Variants in EYS observed in about 807,000 individuals in gnomAD.
EYS encodes the protein EGF-like photoreceptor maintenance factor.
In EYS, 250 loss-of-function variants were observed where a neutral mutation model predicts 282.1. That is an observed-to-expected ratio of 0.89 (90% confidence interval 0.80 to 0.98). The LOEUF is 0.98. Among genes scored for constraint, EYS ranks in the 50% least tolerant of loss-of-function variants. The pLI is 0.00. For synonymous variants in EYS, 1,355 were observed against 1,282.9 expected, an observed-to-expected ratio of 1.06 and a Z score of -1.20; for missense variants, 4,016 against 3,709.0, an observed-to-expected ratio of 1.08 and a Z score of -2.15.
At chr6:63,765,593 T>C (rs1016542181) in intron 40 of EYS, among the ~76,000 whole-genome samples, 1 of 151,964 alleles carries the variant, frequency 6.6e-6, no homozygotes, top group African/African-American at 2.4e-5. Context: ...GATGATCACA[T>C]CATGGAAAAT....
intron 31 of EYS, among the ~76,000 whole-genome samples, chr6:64,146,950 A>G (rs77782530): frequency 0.014 from 2,155 of 152,288 alleles, 26 homozygotes; most frequent in Non-Finnish European, 0.025. Context: ...AGGCTAGGTC[A>G]GTTGCCTGAG....
intron 35 of EYS, among the ~76,000 whole-genome samples, chr6:63,971,606 G>A (rs550723320): frequency 9.1e-4 from 139 of 152,178 alleles, no homozygotes; most frequent in African/African-American, 3.3e-3. Context: ...GAACATTTTT[G>A]AGGCTTTAAT....
intron 14 of EYS, among the ~76,000 whole-genome samples, chr6:64,966,357 T>A (rs1051997500): frequency 6.6e-6 from 1 of 152,170 alleles, no homozygotes; most frequent in African/African-American, 2.4e-5. Flanking sequence ...ACTTGTTAAA[T>A]GTTTAAGCTT....
chr6:65,331,836 A>G, intron 11 of EYS: 1 of 499,982 alleles, frequency 2.0e-6, no homozygotes, highest in Non-Finnish European at 2.6e-6. Context: ...TCAGTAATTC[A>G]TCTTTGTCTA....
chr6:64,628,288 T>C (rs988638053), intron 22 of EYS, among the ~76,000 whole-genome samples: 2 of 151,774 alleles, frequency 1.3e-5, no homozygotes, highest in Non-Finnish European at 2.9e-5. Flanking sequence ...AGTGGTTTAC[T>C]CTTATATGCA....
At position 63,742,635 on chromosome 6, in the gene EYS, T is replaced by A. The variant is rs538879442; in HGVS notation, c.8072-15955A>T. On this transcript the variant is annotated intron_variant, in intron 41 of 42. Transcript: ENST00000503581. Reference sequence around the variant, plus strand: ...AGAAAACCCAAAAAACAAAAACCCCTTTTTTCAGAACCAGTTCTCTTAGAT... The same window carrying A: ...AGAAAACCCAAAAAACAAAAACCCCATTTTTCAGAACCAGTTCTCTTAGAT... 1.5e-3 allele frequency among the ~76,000 whole-genome samples: 227 copies of A among 152,254 alleles called. No homozygotes were observed. In the Middle Eastern group the frequency reaches 0.037, roughly 25 times the overall value.
At chr6:65,201,009 TA>T (rs1371618963) in intron 12 of EYS, among the ~76,000 whole-genome samples, 1 of 152,126 alleles carries the variant, frequency 6.6e-6, no homozygotes, top group Non-Finnish European at 1.5e-5. Context: ...TTTAAGATAT[TA>T]GAACATAGTG....
At chr6:65,119,912 C>A (rs150215952) in intron 12 of EYS, among the ~76,000 whole-genome samples, 2,103 of 151,024 alleles carry the variant, frequency 0.014, 33 homozygotes, top group Middle Eastern at 0.024. Flanking sequence ...CCGAGGTGGG[C>A]GGATCACGAG....
chr6:64,393,797 G>A (rs1013271910), intron 28 of EYS, among the ~76,000 whole-genome samples: 2 of 151,976 alleles, frequency 1.3e-5, no homozygotes, highest in African/African-American at 4.8e-5. Context: ...TTAGGCAGGA[G>A]AAGGAAATAA....
At chr6:64,775,763 C>T (rs534950384) in intron 22 of EYS, among the ~76,000 whole-genome samples, 71 of 152,016 alleles carry the variant, frequency 4.7e-4, no homozygotes, top group Non-Finnish European at 8.7e-4. Flanking sequence ...GAAATATCTT[C>T]ATGAATTCCT....
chr6:64,602,270 C>G (rs1325438402), intron 24 of EYS, among the ~76,000 whole-genome samples: 2 of 151,916 alleles, frequency 1.3e-5, no homozygotes, highest in Non-Finnish European at 2.9e-5. Context: ...ATTATATTTA[C>G]AAAATTGCCT....
In EYS at chr6:65,384,468, TCA is replaced by T. The variant is rs1765727711; in HGVS notation, c.1215_1216del (p.Cys405Ter). The T allele has an allele frequency of 1.2e-6, 2 of 1,606,920 alleles. No homozygotes were observed. The highest frequency in any genetic ancestry group is 1.3e-5 in the African/African-American group (1 of 74,734). On this transcript the variant is annotated stop_gained and frameshift_variant, in exon 8 of 43. Coordinates refer to ENST00000503581, the MANE Select transcript of EYS (RefSeq NM_001142800.2). LOFTEE classifies it high-confidence loss of function. Reference sequence around the variant, plus strand: ...CAGTTTACAGTGGTCAATTGCTTTCTCACAGTTTTTTTCAGTAAATCCTGATA... The same window carrying T: ...CAGTTTACAGTGGTCAATTGCTTTCTCAGTTTTTTTCAGTAAATCCTGATA...
chr6:64,974,823 G>T (rs753862394), intron 14 of EYS, among the ~76,000 whole-genome samples: 1 of 151,800 alleles, frequency 6.6e-6, no homozygotes, highest in African/African-American at 2.4e-5. Flanking sequence ...TACTTGAATT[G>T]AATGACATTG....
intron 35 of EYS, among the ~76,000 whole-genome samples, chr6:63,949,629 C>A (rs185977897): frequency 6.6e-6 from 1 of 152,182 alleles, no homozygotes; most frequent in Admixed American, 6.5e-5. Flanking sequence ...TGCTGATATG[C>A]CTCTCATCCA....
intron 13 of EYS, among the ~76,000 whole-genome samples, chr6:65,049,051 C>A (rs1037466665): frequency 2.6e-5 from 4 of 151,786 alleles, no homozygotes; most frequent in Non-Finnish European, 5.9e-5. Flanking sequence ...GCTATAGTAA[C>A]CATTTTACTA....
chr6:64,601,545 G>T (rs1766762083), intron 24 of EYS, among the ~76,000 whole-genome samples: 1 of 151,852 alleles, frequency 6.6e-6, no homozygotes, highest in Non-Finnish European at 1.5e-5. Flanking sequence ...TTCAAATCCA[G>T]CCTTTTCTCT....
chr6:65,346,249 C>T (rs1770387746), intron 9 of EYS, among the ~76,000 whole-genome samples: 1 of 151,514 alleles, frequency 6.6e-6, no homozygotes, highest in Non-Finnish European at 1.5e-5. Flanking sequence ...TAAATATGAT[C>T]ACCCCACATT....
At chr6:64,153,614 T>C (rs1038161899) in intron 31 of EYS, among the ~76,000 whole-genome samples, 2 of 152,218 alleles carry the variant, frequency 1.3e-5, no homozygotes, top group Non-Finnish European at 2.9e-5. Context: ...ATGAAGTACC[T>C]TTTTACATTC....
chr6:64,901,312 A>ATATATATATT, intron 18 of EYS, among the ~76,000 whole-genome samples: 1 of 149,100 alleles, frequency 6.7e-6, no homozygotes, highest in African/African-American at 2.5e-5. Flanking sequence ...ATATATATAT[A>ATATATATATT]TATAGGCAGA....
Sources: gnomAD v4.1 joint callset for allele counts (sites outside exome capture counted in the v4.1 genomes callset) on GRCh38, gnomAD v4.1.1 for gene constraint, MANE v1.5 for transcripts, NCBI Gene and HGNC (gene_info 2026-07-23, HGNC 2026-07-21) for gene names.